UGT3A2: variants seen among roughly 807,000 people sequenced by gnomAD.
The protein encoded by UGT3A2 is UDP-glycosyltransferase 3A2.
UGT3A2 carries 32 observed loss-of-function variants against 39.8 expected under a neutral mutation model. The ratio of observed to expected loss-of-function variants is 0.80; its 90% CI spans 0.61 to 1.08. The LOEUF (loss-of-function observed/expected upper bound fraction) is 1.08, where lower values mean the gene tolerates loss of function less well. UGT3A2 is among the 50% of genes least tolerant of loss of function. The pLI is 0.00. For missense variants in UGT3A2, 611 were observed against 637.1 expected, an observed-to-expected ratio of 0.96 and a Z score of 0.44; for synonymous variants, 241 against 230.7, an observed-to-expected ratio of 1.04 and a Z score of -0.40.
chr5:36,055,798 T>A (rs1341810607), intron 2 of UGT3A2, among the ~76,000 whole-genome samples: 1 of 152,224 alleles, frequency 6.6e-6, no homozygotes, highest in East Asian at 1.9e-4. Context: ...TCAACCTGTT[T>A]ATTTTGAACA....
chr5:36,064,130 C>G (rs1411158293), intron 2 of UGT3A2, 119 bp downstream of exon 2: 1 of 935,924 alleles, frequency 1.1e-6, no homozygotes, highest in East Asian at 2.6e-5. Context: ...CACACACAAG[C>G]TTTTCATCCT....
At chr5:36,048,294 T>C (rs1287275) in intron 4 of UGT3A2, among the ~76,000 whole-genome samples, 142,755 of 152,302 alleles carry the variant, frequency 0.94, 66,947 homozygotes, top group South Asian at 0.99. Context: ...AGTTGTGAAA[T>C]TGCGCTGTGC....
intron 2 of UGT3A2, among the ~76,000 whole-genome samples, chr5:36,063,034 CTG>C (rs1191437169): frequency 5.4e-5 from 8 of 148,110 alleles, no homozygotes; most frequent in African/African-American, 1.8e-4. Flanking sequence ...GAGCGAGACT[CTG>C]TCTCAAAAAA....
chr5:36,049,083 T>A lies in UGT3A2; in HGVS notation c.649A>T (p.Met217Leu), dbSNP rs756215413. The A allele has an allele frequency of 6.2e-7, 1 of 1,614,206 alleles. No homozygotes were observed. The highest frequency in any genetic ancestry group is 8.5e-7 in the Non-Finnish European group (1 of 1,180,040). The change falls in exon 4 of 7, where the codon ATG (methionine) becomes TTG (leucine). Residue 217 changes from methionine to leucine, a missense_variant. By Grantham distance (15) the Met-to-Leu change is conservative. Transcript: ENST00000282507. Reference protein sequence around the residue: ...FFSFCRRQQHMQSTFDNTIKE... With the variant: ...FFSFCRRQQHLQSTFDNTIKE... ...ATGGTGTTGTCAAATGTAGACTGCA[T>A]GTGCTGTTGCCTCCTGCAGAAACTA...
At chr5:36,052,120 T>C (rs572541215) in intron 2 of UGT3A2, 136 bp from the exon 3 acceptor site, 586 of 615,934 alleles carry the variant, frequency 9.5e-4, no homozygotes, top group Non-Finnish European at 1.4e-3. Flanking sequence ...TTTTAATGTA[T>C]GCGTTTATTT....
chr5:36,043,236 A>T (rs1742065984), intron 4 of UGT3A2, among the ~76,000 whole-genome samples: 1 of 152,140 alleles, frequency 6.6e-6, no homozygotes, highest in South Asian at 2.1e-4. Context: ...GGAACTCTGG[A>T]TATTATACAA....
At chr5:36,063,488 A>T (rs960478627) in intron 2 of UGT3A2, among the ~76,000 whole-genome samples, 1 of 152,140 alleles carries the variant, frequency 6.6e-6, no homozygotes, top group African/African-American at 2.4e-5. Flanking sequence ...TCAGCCATAG[A>T]CTCCTAACTT....
intron 5 of UGT3A2, among the ~76,000 whole-genome samples, chr5:36,039,254 G>A (rs1465988502): frequency 6.6e-6 from 1 of 152,324 alleles, no homozygotes; most frequent in African/African-American, 2.4e-5. Context: ...CATCAGGTCT[G>A]GGATAGAAAA....
chr5:36,037,948 C>T lies in UGT3A2; in HGVS notation c.1144G>A (p.Gly382Ser), dbSNP rs756528102. 1.2e-6 allele frequency: 2 copies of T among 1,614,130 alleles called. No homozygotes were observed. The highest frequency in any genetic ancestry group is 1.7e-6 in the Non-Finnish European group (2 of 1,180,014). The change falls in exon 6 of 7, where the codon GGT becomes AGT. Residue 382 changes from glycine to serine, a missense_variant. Physicochemically the swap from Gly to Ser is moderately conservative, Grantham distance 56. Transcript: ENST00000282507. ...AGAGGGATCCCCACCATGGGCACACCATGCTGGATGGCCTCCATTATGCTA... is the reference window on the plus strand; with the variant it reads ...AGAGGGATCCCCACCATGGGCACACTATGCTGGATGGCCTCCATTATGCTA... Reference protein sequence around the residue: ...QNSIMEAIQHGVPMVGIPLFG... With the variant: ...QNSIMEAIQHSVPMVGIPLFG...
Position 36,035,150 on chromosome 5 carries a change from C to G in UGT3A2, c.*548G>C, listed in dbSNP as rs2111676444. On this transcript the variant is annotated 3_prime_UTR_variant, in exon 7 of 7. Transcript: ENST00000282507. The stretch of plus-strand genomic sequence containing the variant: ...AGAGACAGGGACCCAATGTGGAGAC[C>G]TGTGAGCCTGTGTCCGGCCCTGAAC... 6.3e-6 allele frequency: 1 copy of G among 158,154 alleles called. No homozygotes were observed. Among genetic ancestry groups the G allele is most frequent in the Non-Finnish European group, 1.4e-5 (1 of 71,026 alleles). The allele number at this position is 158,154 out of a possible 1,614,324, so 9.8% of individuals were successfully genotyped here.
Position 36,039,690 on chromosome 5 carries a change from CA to C in UGT3A2, c.861del (p.Ile287MetfsTer12), listed in dbSNP as rs772130544. ...ACAAAACCAGAGTCCCCAAACTTGG[CA>C]ATGAAGTTCTCCAAGTCCTGGAGAA... ...KPVPQDLENFIAKFGDSGFVL... is the reference protein window; with the variant it reads ...KPVPQDLENFXAKFGDSGFVL... On this transcript the variant is annotated frameshift_variant, in exon 5 of 7. Coordinates refer to ENST00000282507, the MANE Select transcript of UGT3A2 (RefSeq NM_174914.4). LOFTEE classifies it high-confidence loss of function. 6.2e-6 allele frequency: 10 copies of C among 1,614,116 alleles called. No homozygotes were observed. The highest frequency in any genetic ancestry group is 8.5e-6 in the Non-Finnish European group (10 of 1,179,992).
At position 36,064,403 on chromosome 5, in the gene UGT3A2, A is replaced by C. The variant is rs535703176; in HGVS notation, c.95-53T>G. The C allele has an allele frequency of 2.7e-6, 4 of 1,465,594 alleles. No homozygotes were observed. The South Asian group carries it at 4.6e-5, about 17-fold the overall frequency. The allele number at this position is 1,465,594 out of a possible 1,614,324, so 90.8% of individuals were successfully genotyped here. A position where few individuals can be genotyped will look rare whatever the true frequency, so the allele number is the denominator to read the frequency against. The stretch of plus-strand genomic sequence containing the variant: ...GGAATGATGAGAATACAGTGTCTGA[A>C]GTCAGTAGTGATCAATCCAGGAGAG... On this transcript the variant is annotated intron_variant, in intron 1 of 6. Transcript: ENST00000282507.
At chr5:36,053,790 C>T (rs867428817) in intron 2 of UGT3A2, among the ~76,000 whole-genome samples, 16 of 152,274 alleles carry the variant, frequency 1.1e-4, no homozygotes, top group African/African-American at 3.4e-4. Context: ...CTCTGGGGAA[C>T]GATCCATTTT....
chr5:36,035,718 T>C lies in UGT3A2; in HGVS notation c.1552A>G (p.Arg518Gly). ...GMAVWWLRGARKVKET is the reference protein window; with the variant it reads ...GMAVWWLRGAGKVKET ...TGGCCTTATGTCTCCTTCACCTTTC[T>C]GGCCCCACGCAGCCACCAGACAGCC... The change falls in exon 7 of 7, where the codon AGA becomes GGA. Residue 518 changes from arginine to glycine, a missense_variant. Physicochemically the swap from Arg to Gly is moderately radical, Grantham distance 125 (BLOSUM62 -2). Coordinates refer to ENST00000282507, the MANE Select transcript of UGT3A2 (RefSeq NM_174914.4). 1 of 1,614,114 alleles carries C rather than the reference T, an allele frequency of 6.2e-7. No individual in the cohort carries two copies. Among genetic ancestry groups the C allele is most frequent in the African/African-American group, 1.3e-5 (1 of 75,032 alleles).
intron 2 of UGT3A2, among the ~76,000 whole-genome samples, chr5:36,052,817 T>C (rs586382): frequency 0.67 from 102,005 of 152,064 alleles, 35,380 homozygotes; most frequent in Non-Finnish European, 0.75. Flanking sequence ...CTTCATCACA[T>C]CCAAATCAAA....
intron 4 of UGT3A2, among the ~76,000 whole-genome samples, chr5:36,044,168 T>C (rs1742095480): frequency 6.6e-6 from 1 of 152,028 alleles, no homozygotes; most frequent in Non-Finnish European, 1.5e-5. Flanking sequence ...TCTGAGGGAC[T>C]GAAGGATCGT....
In UGT3A2 at chr5:36,049,436, GATA is replaced by G. The variant is rs754279735; in HGVS notation, c.312-19_312-17del. The G allele has an allele frequency of 6.6e-7, 1 of 1,514,680 alleles. No homozygotes were observed. The highest frequency in any genetic ancestry group is 2.2e-5 in the Admixed American group (1 of 45,558). The allele number at this position is 1,514,680 out of a possible 1,614,324, so 93.8% of individuals were successfully genotyped here. A position where few individuals can be genotyped will look rare whatever the true frequency, so the allele number is the denominator to read the frequency against. On this transcript the variant is annotated splice_polypyrimidine_tract_variant and intron_variant, in intron 3 of 6. Transcript: ENST00000282507. Reference sequence around the variant, plus strand: ...AAATTTTCCTCTGTAAGAAAAAAATGATAATAAATATTCATGGGAAGTGTTAAA... The same window carrying G: ...AAATTTTCCTCTGTAAGAAAAAAATGATAAATATTCATGGGAAGTGTTAAA...
At chr5:36,037,109 T>C (rs1470308146) in intron 6 of UGT3A2, among the ~76,000 whole-genome samples, 1 of 152,058 alleles carries the variant, frequency 6.6e-6, no homozygotes, top group Non-Finnish European at 1.5e-5. Flanking sequence ...GGACAAATAA[T>C]AAATGAAAAC....
chr5:36,051,964 AT>A lies in UGT3A2; in HGVS notation c.216del (p.Lys72AsnfsTer30). 1 of 1,569,470 alleles carries A rather than the reference AT, an allele frequency of 6.4e-7. No individual in the cohort carries two copies. Among genetic ancestry groups the A allele is most frequent in the Non-Finnish European group, 8.6e-7 (1 of 1,165,632 alleles). On this transcript the variant is annotated frameshift_variant, in exon 3 of 7. Transcript: ENST00000282507. LOFTEE classifies it high-confidence loss of function. Reference sequence around the variant, plus strand: ...GCAAGCCAACTGATAACTTGATATGATTTTTCTTCCTTTTTAAAATCTAAGA... The same window carrying A: ...GCAAGCCAACTGATAACTTGATATGATTTTCTTCCTTTTTAAAATCTAAGA... ...PFMPDFKKEEKSYQVISWLAP... is the reference protein window; with the variant it reads ...PFMPDFKKEEXSYQVISWLAP...
Sources: allele counts gnomAD v4.1 joint callset (sites outside exome capture counted in the v4.1 genomes callset), GRCh38; gene constraint gnomAD v4.1.1; transcripts MANE v1.5; gene names NCBI Gene and HGNC (gene_info 2026-07-23, HGNC 2026-07-21).